DDX50: variants seen among roughly 807,000 people sequenced by gnomAD.
DDX50 encodes the protein DExD-box helicase 50.
Under a neutral mutation model 94.8 loss-of-function variants are expected in DDX50, and 56 were observed. That is an observed-to-expected ratio of 0.59 (90% CI 0.48 to 0.74). The LOEUF (loss-of-function observed/expected upper bound fraction) is 0.74, where lower values mean the gene tolerates loss of function less well. DDX50 is among the 30% of genes least tolerant of loss of function. The pLI is 0.00. For synonymous variants in DDX50, 264 were observed against 295.4 expected, an observed-to-expected ratio of 0.89 and a Z score of 1.09; for missense variants, 713 against 881.2, an observed-to-expected ratio of 0.81 and a Z score of 2.42.
At chr10:68,932,687 A>G (rs1402547513) in intron 8 of DDX50, among the ~76,000 whole-genome samples, 1 of 152,192 alleles carries the variant, frequency 6.6e-6, no homozygotes, top group East Asian at 1.9e-4. Flanking sequence ...AGTGTCACTA[A>G]TGCAGCAGAG....
intron 2 of DDX50, among the ~76,000 whole-genome samples, chr10:68,908,451 C>CAAAAAAAAA (rs71223162): frequency 2.3e-5 from 1 of 43,704 alleles, no homozygotes; most frequent in African/African-American, 8.9e-5. Context: ...AACTCCATCT[C>CAAAAAAAAA]AAAAAAAAAA....
chr10:68,934,983 A>C lies in DDX50; in HGVS notation c.1521+65A>C. ...GGTGCCTTAAAAGAGAGCTCTTCTT[A>C]TATTTATTCTTACAAGTAGGTCTTC... On this transcript the variant is annotated intron_variant, in intron 10 of 14. Transcript: ENST00000373585. This position sits in a 1 kb window ranked among gnomAD's most constrained non-coding sequence, Gnocchi z 4.0. 1 of 1,517,002 alleles carries C rather than the reference A, an allele frequency of 6.6e-7. No individual in the cohort carries two copies. Among genetic ancestry groups the C allele is most frequent in the South Asian group, 1.4e-5 (1 of 73,928 alleles). The allele number at this position is 1,517,002 out of a possible 1,614,324, so 94.0% of individuals were successfully genotyped here.
intron 8 of DDX50, among the ~76,000 whole-genome samples, chr10:68,921,969 T>C (rs1841953005): frequency 6.6e-6 from 1 of 152,222 alleles, no homozygotes. Flanking sequence ...TCAGTTTTTC[T>C]GGGTACGCAG....
At chr10:68,941,370 C>T (rs1010176108) in intron 13 of DDX50, among the ~76,000 whole-genome samples, 176 bp downstream of exon 13, 5 of 152,190 alleles carry the variant, frequency 3.3e-5, no homozygotes, top group African/African-American at 1.2e-4. Context: ...CCCATTCCTC[C>T]AGAGCTGTAA....
At chr10:68,910,946 G>A in intron 3 of DDX50, 122 bp from the exon 4 acceptor site, 1 of 670,092 alleles carries the variant, frequency 1.5e-6, no homozygotes, top group Non-Finnish European at 2.3e-6. Context: ...AGGAATAACT[G>A]TGTCACCAGG....
At chr10:68,931,393 AT>A (rs151235316) in intron 8 of DDX50, among the ~76,000 whole-genome samples, 3,785 of 27,520 alleles carry the variant, frequency 0.14, 174 homozygotes, top group African/African-American at 0.32. Flanking sequence ...AAAAAAAAAA[AT>A]ATATATATAT....
intron 14 of DDX50, among the ~76,000 whole-genome samples, chr10:68,945,321 T>C (rs949223339): frequency 1.4e-5 from 2 of 147,120 alleles, no homozygotes; most frequent in Non-Finnish European, 3.0e-5. Flanking sequence ...TTTTTTTTTT[T>C]CTTTGAGACA....
intron 2 of DDX50, among the ~76,000 whole-genome samples, chr10:68,909,592 T>C (rs1336753153): frequency 1.3e-5 from 2 of 152,198 alleles, no homozygotes; most frequent in Non-Finnish European, 2.9e-5. Context: ...AATAACCTTT[T>C]TGGCTGGGCA....
chr10:68,931,316 T>A (rs1842255413), intron 8 of DDX50, among the ~76,000 whole-genome samples: 1 of 149,954 alleles, frequency 6.7e-6, no homozygotes, highest in Non-Finnish European at 1.5e-5. Context: ...GATAACCTCT[T>A]TATTTCCTTT....
At chr10:68,926,981 C>T (rs1004910860) in intron 8 of DDX50, among the ~76,000 whole-genome samples, 5 of 152,194 alleles carry the variant, frequency 3.3e-5, no homozygotes, top group African/African-American at 4.8e-5. Flanking sequence ...GGTGTGATCA[C>T]GGCTCACTGC....
Position 68,934,137 on chromosome 10 carries a change from T to A in DDX50, c.1240-62T>A. On this transcript the variant is annotated intron_variant, in intron 8 of 14. Transcript: ENST00000373585. This position sits in a 1 kb window ranked among gnomAD's most constrained non-coding sequence, Gnocchi z 4.0. Reference sequence around the variant, plus strand: ...TGCAAAAGGAGCACAGACTAGATGTTGTTGTGCTATCAGTTGCAAGTATGA... The same window carrying A: ...TGCAAAAGGAGCACAGACTAGATGTAGTTGTGCTATCAGTTGCAAGTATGA... 1 of 1,486,586 alleles carries A rather than the reference T, an allele frequency of 6.7e-7. No homozygotes were observed. The allele number at this position is 1,486,586 out of a possible 1,614,324, so 92.1% of individuals were successfully genotyped here. A position where few individuals can be genotyped will look rare whatever the true frequency, so the allele number is the denominator to read the frequency against.
intron 1 of DDX50, among the ~76,000 whole-genome samples, chr10:68,905,171 C>T (rs1237595319): frequency 2.0e-5 from 3 of 152,110 alleles, no homozygotes; most frequent in Non-Finnish European, 4.4e-5. Flanking sequence ...CCAACCTCGC[C>T]CCCCCAGAGT....
At chr10:68,909,905 A>G (rs1172701284) in intron 2 of DDX50, among the ~76,000 whole-genome samples, 1 of 151,986 alleles carries the variant, frequency 6.6e-6, no homozygotes, top group African/African-American at 2.4e-5. Context: ...CACATGATCC[A>G]CCTGCCTTGG....
chr10:68,929,902 T>G (rs897293854), intron 8 of DDX50, among the ~76,000 whole-genome samples: 1 of 151,532 alleles, frequency 6.6e-6, no homozygotes, highest in African/African-American at 2.4e-5. Flanking sequence ...CCGGCTAATT[T>G]TTGTATTTTT....
intron 1 of DDX50, among the ~76,000 whole-genome samples, chr10:68,903,260 G>A (rs1411087115): frequency 3.3e-5 from 5 of 152,012 alleles, no homozygotes; most frequent in African/African-American, 7.2e-5. Context: ...AGCCGGGTGC[G>A]GTGGCTCATG....
intron 4 of DDX50, chr10:68,911,861 A>G (rs1408009264): frequency 6.6e-6 from 1 of 152,216 alleles, no homozygotes; most frequent in Non-Finnish European, 1.5e-5. Flanking sequence ...AAAATCAACC[A>G]ACAGAGAGGA....
At chr10:68,901,553 C>G in intron 1 of DDX50, 82 bp downstream of exon 1, 2 of 1,413,574 alleles carry the variant, frequency 1.4e-6, no homozygotes, top group Non-Finnish European at 1.9e-6. Flanking sequence ...TGATGATGGC[C>G]TGTCAGAACC....
chr10:68,934,622 T>C lies in DDX50; in HGVS notation c.1402-177T>C, dbSNP rs180814182. Among the ~76,000 whole-genome samples, 71 of 152,252 alleles carry C rather than the reference T, an allele frequency of 4.7e-4. No homozygotes were observed. In the East Asian group the frequency reaches 5.0e-3, roughly 11 times the overall value. On this transcript the variant is annotated intron_variant, in intron 9 of 14. Transcript: ENST00000373585. This position sits in a 1 kb window ranked among gnomAD's most constrained non-coding sequence, Gnocchi z 4.0. ...TAAAGAAACCTGGGATGAGGTGGAT[T>C]AAAAGGTTTTAAATCATATTGCCTT...
At chr10:68,935,919 A>G in intron 10 of DDX50, 87 bp from the exon 11 acceptor site, 1 of 878,410 alleles carries the variant, frequency 1.1e-6, no homozygotes. Flanking sequence ...TGCAAGAAAT[A>G]GAAATTCAAC....
Sources: allele counts gnomAD v4.1 joint callset (sites outside exome capture counted in the v4.1 genomes callset), GRCh38; gene constraint gnomAD v4.1.1; non-coding constraint Gnocchi (gnomAD v3.1); transcripts MANE v1.5; gene names NCBI Gene and HGNC (gene_info 2026-07-23, HGNC 2026-07-21).